The following FOXP2 variants were observed in gnomAD, a reference collection of about 807,000 sequenced individuals.
FOXP2 encodes forkhead box P2.
FOXP2 carries 12 observed loss-of-function variants against 115.8 expected under a neutral mutation model. The observed-to-expected ratio is 0.10, with a 90% CI of 0.07 to 0.17. The LOEUF (loss-of-function observed/expected upper bound fraction) is 0.17. Among genes scored for constraint, FOXP2 ranks in the 10% least tolerant of loss-of-function variants. The pLI is 1.00. For missense variants in FOXP2, 629 were observed against 843.5 expected (o/e 0.75, Z 3.15); for synonymous variants, 328 against 297.7 (o/e 1.10, Z -1.05).
intron 8 of FOXP2, among the ~76,000 whole-genome samples, chr7:114,650,809 C>G (rs1241931458): frequency 6.6e-6 from 1 of 151,910 alleles, no homozygotes; most frequent in Admixed American, 6.6e-5. Flanking sequence ...TCCACAGTTT[C>G]TCTTCAACCA....
intron 1 of FOXP2, among the ~76,000 whole-genome samples, chr7:114,124,637 G>A (rs763050136): frequency 1.1e-4 from 17 of 152,026 alleles, no homozygotes; most frequent in Non-Finnish European, 2.2e-4. Context: ...GTACATTTAA[G>A]AGGCAGTGAG....
intron 3 of FOXP2, among the ~76,000 whole-genome samples, chr7:114,607,194 C>T (rs1360641050): frequency 6.6e-6 from 1 of 152,118 alleles, no homozygotes; most frequent in Non-Finnish European, 1.5e-5. Flanking sequence ...CAGTCTTATC[C>T]ATGTGACTAG....
intron 3 of FOXP2, among the ~76,000 whole-genome samples, chr7:114,592,483 C>T (rs1219297351): frequency 6.6e-6 from 1 of 151,904 alleles, no homozygotes; most frequent in Admixed American, 6.6e-5. Flanking sequence ...CTCCTCTTTG[C>T]CTTTCATGGG....
chr7:114,310,748 G>T (rs930553056), intron 2 of FOXP2, among the ~76,000 whole-genome samples: 4 of 151,934 alleles, frequency 2.6e-5, no homozygotes, highest in Non-Finnish European at 4.4e-5. Context: ...TCTCTTTATC[G>T]CCTGTCTTCA....
At chr7:114,341,666 C>T (rs1791220428) in intron 2 of FOXP2, among the ~76,000 whole-genome samples, 1 of 151,436 alleles carries the variant, frequency 6.6e-6, no homozygotes, top group South Asian at 2.1e-4. Flanking sequence ...ATTTCTTTCA[C>T]TGGAGAACTT....
chr7:114,195,392 C>T (rs1215573068), intron 1 of FOXP2, among the ~76,000 whole-genome samples: 3 of 152,142 alleles, frequency 2.0e-5, no homozygotes, highest in Non-Finnish European at 2.9e-5. Flanking sequence ...GTTTTACTTA[C>T]AGCTCATTGA....
Position 114,171,273 on chromosome 7 carries a change from C to T in FOXP2, c.-102+8185C>T, listed in dbSNP as rs1401528382. On this transcript the variant is annotated intron_variant, in intron 1 of 17. Transcript: ENST00000634411. Reference sequence around the variant, plus strand: ...AAAAGTTTCTTTCAAAATATTACTGCTCATTAATAATGTACCTGGGCCAGG... The same window carrying T: ...AAAAGTTTCTTTCAAAATATTACTGTTCATTAATAATGTACCTGGGCCAGG... 2.0e-5 allele frequency among the ~76,000 whole-genome samples: 3 copies of T among 152,280 alleles called. No homozygotes were observed. In the East Asian group the frequency reaches 5.8e-4, roughly 29 times the overall value.
At chr7:114,295,057 A>G (rs1449845206) in intron 2 of FOXP2, among the ~76,000 whole-genome samples, 1 of 152,140 alleles carries the variant, frequency 6.6e-6, no homozygotes, top group South Asian at 2.1e-4. Context: ...TTTTTAAATG[A>G]GAGTTTATGT....
Position 114,133,331 on chromosome 7 carries a change from T to G in FOXP2, c.-246-29613T>G, listed in dbSNP as rs1200184345. On this transcript the variant is annotated intron_variant, in intron 1 of 19. Transcript: ENST00000635638. ...TTTTGTACATGTTGGAGAGATCAGT[T>G]AGGGATCTAATTATAGATACTAAGT... is the stretch of plus-strand genomic sequence containing the variant. Among the ~76,000 whole-genome samples the G allele has an allele frequency of 2.0e-5, 3 of 152,284 alleles. No homozygotes were observed. In the South Asian group the frequency reaches 6.2e-4, roughly 32 times the overall value.
At chr7:114,358,252 T>G (rs1216445742) in intron 2 of FOXP2, among the ~76,000 whole-genome samples, 1 of 152,158 alleles carries the variant, frequency 6.6e-6, no homozygotes, top group Non-Finnish European at 1.5e-5. Flanking sequence ...CCTTCCACCA[T>G]GATTGTGAGG....
At chr7:114,570,160 G>A (rs1164866931) in intron 3 of FOXP2, among the ~76,000 whole-genome samples, 1 of 151,824 alleles carries the variant, frequency 6.6e-6, no homozygotes, top group Non-Finnish European at 1.5e-5. Context: ...AGATAAAAAT[G>A]CAAACTATAC....
rs1195993380 is a variant in FOXP2, at chr7:114,166,706, A to AAAAT, written c.-102+3634_-102+3637dup. On this transcript the variant is annotated intron_variant, in intron 1 of 17. Coordinates refer to the FOXP2 transcript ENST00000634411. The stretch of plus-strand genomic sequence containing the variant: ...GGTGACAGAGTGAGACTTTGTCTCA[A>AAAAT]AAATAAATAAATAAATAAAATAAGA... Among the ~76,000 whole-genome samples, 4 of 152,340 alleles carry AAAAT rather than the reference A, an allele frequency of 2.6e-5. No homozygotes were observed. In the East Asian group the frequency reaches 5.8e-4, roughly 22 times the overall value.
chr7:114,264,321 TG>T (rs1459808279), intron 1 of FOXP2, among the ~76,000 whole-genome samples: 2 of 151,990 alleles, frequency 1.3e-5, no homozygotes, highest in Non-Finnish European at 2.9e-5. Context: ...AGTTTTTTCA[TG>T]GGGGGCAGGA....
rs192128905 is a variant in FOXP2, at chr7:114,279,166, G to A, written c.-101-8853G>A. The stretch of plus-strand genomic sequence containing the variant: ...TTTTTGAAACAAATACCATATCCTG[G>A]ATGATAATATACTGGTGTTACCCTT... On this transcript the variant is annotated intron_variant, in intron 1 of 17. Coordinates refer to the FOXP2 transcript ENST00000634411. 3.3e-5 allele frequency among the ~76,000 whole-genome samples: 5 copies of A among 152,162 alleles called. No individual in the cohort carries two copies. In the East Asian group the frequency reaches 9.7e-4, roughly 29 times the overall value.
intron 3 of FOXP2, among the ~76,000 whole-genome samples, chr7:114,567,624 A>G (rs1801090539): frequency 6.6e-6 from 1 of 152,258 alleles, no homozygotes; most frequent in African/African-American, 2.4e-5. Context: ...GCAAACACTT[A>G]AAATATCCAT....
At chr7:114,154,129 T>C (rs1267404288) in intron 1 of FOXP2, among the ~76,000 whole-genome samples, 1 of 152,212 alleles carries the variant, frequency 6.6e-6, no homozygotes, top group Non-Finnish European at 1.5e-5. Context: ...TTGCAGCTTT[T>C]ATTGCATTCT....
rs1403840308 is a variant in FOXP2, at chr7:114,356,514, C to A, written c.-11+68405C>A. Among the ~76,000 whole-genome samples, 16 of 152,098 alleles carry A rather than the reference C, an allele frequency of 1.1e-4. 1 individual carries two copies. The highest frequency in any genetic ancestry group is 1.0e-3 in the Admixed American group (16 of 15,272). ...TCACAGAAATATTTCCAGGAAGTAA[C>A]ACCTACTCACTTAGAGGGTAAGGAA... On this transcript the variant is annotated intron_variant, in intron 2 of 17. Transcript: ENST00000634411.
At chr7:114,268,669 C>T (rs1014685186) in intron 1 of FOXP2, among the ~76,000 whole-genome samples, 3 of 151,598 alleles carry the variant, frequency 2.0e-5, no homozygotes, top group Non-Finnish European at 2.9e-5. Context: ...CTACTACTCA[C>T]TCTGACGATT....
intron 1 of FOXP2, among the ~76,000 whole-genome samples, chr7:114,231,428 A>G (rs1794872929): frequency 6.6e-6 from 1 of 152,210 alleles, no homozygotes; most frequent in South Asian, 2.1e-4. Flanking sequence ...ATTTAGAAAC[A>G]GAAGAATATG....
Sources: gnomAD v4.1 joint callset for allele counts (sites outside exome capture counted in the v4.1 genomes callset) on GRCh38, gnomAD v4.1.1 for gene constraint, MANE v1.5 for transcripts, NCBI Gene and HGNC (gene_info 2026-07-23, HGNC 2026-07-21) for gene names.